The following HSH2D variants were observed in gnomAD, a reference collection of about 807,000 sequenced individuals.
The protein encoded by HSH2D is hematopoietic SH2 domain-containing protein.
In HSH2D, 16 loss-of-function variants were observed where a neutral mutation model predicts 21.5. The observed-to-expected ratio is 0.74, with a 90% CI of 0.50 to 1.13. HSH2D has a LOEUF of 1.13. HSH2D is among the 50% of genes most tolerant of loss of function. The pLI, the probability that HSH2D is intolerant of heterozygous loss-of-function variation, is 0.00. For synonymous variants in HSH2D, 172 were observed against 184.7 expected (o/e 0.93, Z 0.56); for missense variants, 418 against 441.4 (o/e 0.95, Z 0.47).
chr19:16,140,818 T>C (rs1296435948), upstream of HSH2D, among the ~76,000 whole-genome samples: 2 of 151,734 alleles, frequency 1.3e-5, no homozygotes, highest in Non-Finnish European at 2.9e-5. Context: ...GCCCAGGAAG[T>C]AGAGGCTGTG....
At position 16,154,669 on chromosome 19, in the gene HSH2D, G is replaced by T. The variant is rs113548431; in HGVS notation, c.474+178G>T. The T allele has an allele frequency of 1.1e-3, 589 of 514,670 alleles. 4 individuals are homozygous for T. Among genetic ancestry groups the T allele is most frequent in the African/African-American group, 0.01 (539 of 51,468 alleles). 31.9% of individuals were successfully genotyped at this position (514,670 alleles called of 1,614,324 possible). On this transcript the variant is annotated intron_variant, in intron 5 of 5. Coordinates refer to ENST00000613986, the MANE Select transcript of HSH2D (RefSeq NM_001382417.1). ...ATTAAAATTCAAACTACAATCTGAG[G>T]TCCTCTTTCTGCCTGTCACCTACCC... is the stretch of plus-strand genomic sequence containing the variant.
intron 1 of HSH2D, among the ~76,000 whole-genome samples, chr19:16,145,937 G>A (rs1402201650): frequency 3.9e-5 from 6 of 152,070 alleles, no homozygotes; most frequent in Admixed American, 1.3e-4. Context: ...TGATCCAGGC[G>A]TGGTGGCACA....
intron 1 of HSH2D, 111 bp downstream of exon 1, chr19:16,143,885 G>A (rs2091027331): frequency 3.8e-6 from 1 of 264,208 alleles, no homozygotes; most frequent in South Asian, 2.6e-5. Context: ...GGATTTTCTA[G>A]GGGCATGGGG....
intron 5 of HSH2D, 121 bp downstream of exon 5, chr19:16,154,612 TTAAA>T: frequency 1.7e-6 from 1 of 589,048 alleles, no homozygotes; most frequent in Non-Finnish European, 3.0e-6. Flanking sequence ...GCTTGGTGCT[TTAAA>T]CCTTTCCAGT....
intron 4 of HSH2D, among the ~76,000 whole-genome samples, chr19:16,154,060 G>A (rs1454946809): frequency 6.8e-6 from 1 of 147,858 alleles, no homozygotes; most frequent in African/African-American, 2.4e-5. Context: ...ACTGCTGTGG[G>A]TGGGGCATCT....
chr19:16,153,284 C>A, intron 4 of HSH2D, 76 bp downstream of exon 4: 1 of 1,319,436 alleles, frequency 7.6e-7, no homozygotes, highest in South Asian at 1.5e-5. Flanking sequence ...TTTCCCACGC[C>A]CCCATCAGCT....
In HSH2D at chr19:16,157,303, T is replaced by C; in HGVS notation, c.568T>C (p.Cys190Arg). 6.2e-7 allele frequency: 1 copy of C among 1,612,630 alleles called. No homozygotes were observed. The highest frequency in any genetic ancestry group is 8.5e-7 in the Non-Finnish European group (1 of 1,179,480). Residue 190 changes from cysteine (C) to arginine (R), a missense_variant, in exon 6 of 6, where the codon TGC becomes CGC. Physicochemically the swap from Cys to Arg is radical, Grantham distance 180 (BLOSUM62 -3). Transcript: ENST00000613986. This position sits in a 1 kb window ranked among gnomAD's most constrained non-coding sequence, Gnocchi z 4.4. ...AACCACCAAGGAAGCCACTTCCTCCTGCCCCCCAAAATCCCCTCTTGGAGA... is the reference window on the plus strand; with the variant it reads ...AACCACCAAGGAAGCCACTTCCTCCCGCCCCCCAAAATCCCCTCTTGGAGA... Reference protein sequence around the residue: ...RITTKEATSSCPPKSPLGETR... With the variant: ...RITTKEATSSRPPKSPLGETR...
chr19:16,149,669 C>T (rs1380696918), intron 2 of HSH2D, among the ~76,000 whole-genome samples: 1 of 151,580 alleles, frequency 6.6e-6, no homozygotes, highest in East Asian at 1.9e-4. Flanking sequence ...TCACTGCAGC[C>T]TCTATCTCCT....
At chr19:16,150,019 T>G (rs571728177) in intron 2 of HSH2D, among the ~76,000 whole-genome samples, 56 of 152,202 alleles carry the variant, frequency 3.7e-4, no homozygotes, top group Admixed American at 6.5e-4. Context: ...AGAGAGGAAG[T>G]AGTATTGGTC....
exon 1 of HSH2D, chr19:16,134,126 G>A (rs1280586684): frequency 6.6e-6 from 1 of 152,410 alleles, no homozygotes; most frequent in African/African-American, 2.4e-5. Context: ...AAAGGGAAAA[G>A]GCATGCAGAG....
At chr19:16,138,786 G>A (rs886906375), upstream of HSH2D, among the ~76,000 whole-genome samples, 13 of 151,914 alleles carry the variant, frequency 8.6e-5, no homozygotes, top group African/African-American at 2.4e-4. Flanking sequence ...CTGCCTGACT[G>A]TCCTGCATGT....
rs754176184 is a variant in HSH2D, at chr19:16,157,514, C to T, written c.779C>T (p.Ser260Leu). The change falls in exon 6 of 6, where the codon TCG becomes TTG. Residue 260 changes from serine (S) to leucine (L), a missense_variant. Physicochemically the swap from Ser to Leu is moderately radical, Grantham distance 145. Transcript: ENST00000613986. This position sits in a 1 kb window ranked among gnomAD's most constrained non-coding sequence, Gnocchi z 4.4. ...CAAGATCACTCAGGGGATCCCACCT[C>T]GGGGGACAGAGGCTACACGGATCCC... ...GSQDHSGDPT[S>L]GDRGYTDPCV... is the part of the protein sequence containing the mutation. The T allele has an allele frequency of 2.4e-5, 38 of 1,613,844 alleles. No homozygotes were observed. The highest frequency in any genetic ancestry group is 2.9e-5 in the Non-Finnish European group (34 of 1,179,888).
Position 16,148,779 on chromosome 19 carries a change from C to A in HSH2D, c.29C>A (p.Pro10Gln). The part of the protein sequence containing the change: MTEAGKLPL[P>Q]LPPRLDWFVH... ...ACAGAGGCCGGGAAGCTGCCCCTAC[C>A]GCTACCCCCACGGCTGGACTGGTTT... is the stretch of plus-strand genomic sequence containing the variant. The change falls in exon 2 of 6, where the codon CCG (proline) becomes CAG (glutamine). Residue 10 changes from proline to glutamine, a missense_variant. By Grantham distance (76) the Pro-to-Gln change is moderately conservative. Coordinates refer to ENST00000613986, the MANE Select transcript of HSH2D (RefSeq NM_001382417.1). 1.2e-6 allele frequency: 2 copies of A among 1,613,954 alleles called. No individual in the cohort carries two copies. Among genetic ancestry groups the A allele is most frequent in the Non-Finnish European group, 1.7e-6 (2 of 1,179,878 alleles).
chr19:16,140,520 G>A (rs1185649533), upstream of HSH2D, among the ~76,000 whole-genome samples: 3 of 151,802 alleles, frequency 2.0e-5, no homozygotes, highest in African/African-American at 4.8e-5. Context: ...CAGGAGAATC[G>A]CTTGAACCCG....
At chr19:16,141,260 G>T (rs1306641921), upstream of HSH2D, among the ~76,000 whole-genome samples, 1 of 152,242 alleles carries the variant, frequency 6.6e-6, no homozygotes, top group Non-Finnish European at 1.5e-5. Context: ...GGGCAGACGA[G>T]GTGCTGCTGT....
intron 1 of HSH2D, among the ~76,000 whole-genome samples, chr19:16,135,909 C>CA (rs1325491889): frequency 1.3e-5 from 2 of 152,188 alleles, no homozygotes. Flanking sequence ...GAAGGACACG[C>CA]AAATGGCCTC....
At chr19:16,152,769 G>C (rs905756580) in intron 3 of HSH2D, 128 bp downstream of exon 3, 4 of 807,364 alleles carry the variant, frequency 5.0e-6, no homozygotes, top group Admixed American at 4.0e-5. Flanking sequence ...ATCTGAGAAC[G>C]GGAGCTGCTA....
At chr19:16,153,363 C>G (rs973121614) in intron 4 of HSH2D, among the ~76,000 whole-genome samples, 155 bp downstream of exon 4, 7 of 152,262 alleles carry the variant, frequency 4.6e-5, no homozygotes, top group African/African-American at 1.7e-4. Context: ...CTCTGCCCCC[C>G]ACAGCGGTCT....
At chr19:16,142,197 G>C (rs78222245), upstream of HSH2D, 3 of 152,242 alleles carry the variant, frequency 2.0e-5, no homozygotes, top group East Asian at 5.8e-4. Context: ...GCTCAATTCA[G>C]TTTCAAGGCC....
Sources: gnomAD v4.1 joint callset for allele counts (sites outside exome capture counted in the v4.1 genomes callset) on GRCh38, gnomAD v4.1.1 for gene constraint, Gnocchi (gnomAD v3.1) non-coding constraint, MANE v1.5 for transcripts, NCBI Gene and HGNC (gene_info 2026-07-23, HGNC 2026-07-21) for gene names.